The following CNTN5 variants were observed in gnomAD, a reference collection of about 807,000 sequenced individuals.
CNTN5 encodes the protein contactin-5.
CNTN5 carries 77 observed loss-of-function variants against 129.1 expected under a neutral mutation model. The observed-to-expected ratio is 0.60, with a 90% CI of 0.50 to 0.72. CNTN5 has a LOEUF of 0.72. CNTN5 is among the 30% of genes least tolerant of loss of function. The probability of loss-of-function intolerance (pLI) is 0.00; values close to 1 mark genes in which losing one functional copy is unlikely to be tolerated. For synonymous variants in CNTN5, 509 were observed against 465.6 expected, an observed-to-expected ratio of 1.09 and a Z score of -1.20; for missense variants, 1,478 against 1,328.8, an observed-to-expected ratio of 1.11 and a Z score of -1.75.
intron 3 of CNTN5, among the ~76,000 whole-genome samples, chr11:99,728,700 G>T (rs1177440013): frequency 6.6e-6 from 1 of 152,108 alleles, no homozygotes; most frequent in Non-Finnish European, 1.5e-5. Context: ...CCTAAAAGAC[G>T]GTGAGTAGTG....
intron 21 of CNTN5, among the ~76,000 whole-genome samples, chr11:100,325,878 A>C (rs889451273): frequency 6.6e-6 from 1 of 152,368 alleles, no homozygotes; most frequent in African/African-American, 2.4e-5. Flanking sequence ...AAAAACATAT[A>C]GAAGAAAAAC....
At chr11:100,054,384 A>G (rs753168379) in intron 9 of CNTN5, among the ~76,000 whole-genome samples, 48 of 151,730 alleles carry the variant, frequency 3.2e-4, no homozygotes, top group Non-Finnish European at 3.5e-4. Context: ...CATTCTTTCT[A>G]TTTTCATTTA....
intron 6 of CNTN5, among the ~76,000 whole-genome samples, chr11:99,886,682 A>G (rs1591365942): frequency 6.6e-6 from 1 of 152,182 alleles, no homozygotes; most frequent in African/African-American, 2.4e-5. Context: ...GTGGGTATCA[A>G]TAGAAACATG....
intron 3 of CNTN5, among the ~76,000 whole-genome samples, chr11:99,811,267 A>C (rs1343167369): frequency 6.6e-6 from 1 of 151,950 alleles, no homozygotes; most frequent in Non-Finnish European, 1.5e-5. Flanking sequence ...TCTCATATTT[A>C]GGGACGGAAA....
intron 3 of CNTN5, among the ~76,000 whole-genome samples, chr11:99,674,272 T>C (rs1953174565): frequency 6.8e-6 from 1 of 146,180 alleles, no homozygotes. Context: ...GAGAAGCAAT[T>C]GTTTAAGCCC....
At chr11:100,179,655 A>G (rs1948077196) in intron 13 of CNTN5, among the ~76,000 whole-genome samples, 1 of 152,026 alleles carries the variant, frequency 6.6e-6, no homozygotes, top group Non-Finnish European at 1.5e-5. Context: ...ATAATAATGA[A>G]ACCTGCATTT....
At chr11:99,936,542 A>G (rs1950319625) in intron 7 of CNTN5, among the ~76,000 whole-genome samples, 1 of 152,136 alleles carries the variant, frequency 6.6e-6, no homozygotes, top group Non-Finnish European at 1.5e-5. Context: ...ATCCTATAAC[A>G]GTGGAAGAGT....
At chr11:100,215,155 C>G (rs897222949) in intron 15 of CNTN5, among the ~76,000 whole-genome samples, 1 of 152,204 alleles carries the variant, frequency 6.6e-6, no homozygotes, top group African/African-American at 2.4e-5. Flanking sequence ...TCCCACCTCA[C>G]TAGCTTAGCC....
chr11:99,369,184 T>C (rs1412407497), intron 2 of CNTN5, among the ~76,000 whole-genome samples: 2 of 135,848 alleles, frequency 1.5e-5, no homozygotes, highest in Non-Finnish European at 3.1e-5. Context: ...ATATATAATA[T>C]ATATAATATA....
intron 2 of CNTN5, among the ~76,000 whole-genome samples, chr11:99,438,056 C>G (rs980893607): frequency 6.6e-6 from 1 of 152,124 alleles, no homozygotes; most frequent in African/African-American, 2.4e-5. Context: ...TGCTTGTAAA[C>G]TATCATTTTA....
intron 1 of CNTN5, among the ~76,000 whole-genome samples, chr11:99,070,472 A>C (rs1453685049): frequency 6.6e-6 from 1 of 152,124 alleles, no homozygotes; most frequent in Non-Finnish European, 1.5e-5. Flanking sequence ...CCCTATATCC[A>C]GGCAGAATCA....
intron 7 of CNTN5, among the ~76,000 whole-genome samples, chr11:99,951,843 T>C (rs918898273): frequency 2.0e-5 from 3 of 152,134 alleles, no homozygotes; most frequent in Non-Finnish European, 2.9e-5. Context: ...AAATTTGTAA[T>C]GAAGTTTAAT....
chr11:99,141,560 T>G (rs528492693), intron 1 of CNTN5, among the ~76,000 whole-genome samples: 2 of 152,242 alleles, frequency 1.3e-5, no homozygotes, highest in Non-Finnish European at 2.9e-5. Flanking sequence ...TCTTTGGTGG[T>G]TTTTTTCTCT....
At chr11:99,579,833 G>A (rs111542954) in intron 3 of CNTN5, among the ~76,000 whole-genome samples, 2 of 150,922 alleles carry the variant, frequency 1.3e-5, no homozygotes, top group Non-Finnish European at 2.9e-5. Context: ...CCCTTCTCCT[G>A]CCTGACTGCC....
intron 6 of CNTN5, among the ~76,000 whole-genome samples, chr11:99,898,464 G>C (rs12285353): frequency 0.057 from 8,641 of 152,054 alleles, 829 homozygotes; most frequent in African/African-American, 0.2. Flanking sequence ...AAAACCTGAA[G>C]ACGTAAGATA....
chr11:99,787,100 T>G (rs913169153), intron 3 of CNTN5, among the ~76,000 whole-genome samples: 3 of 144,536 alleles, frequency 2.1e-5, no homozygotes, highest in African/African-American at 7.6e-5. Flanking sequence ...GTTTTTTTTT[T>G]GTTTTTTATT....
chr11:99,770,409 G>A (rs1174727751), intron 3 of CNTN5, among the ~76,000 whole-genome samples: 3 of 151,900 alleles, frequency 2.0e-5, no homozygotes, highest in Admixed American at 6.6e-5. Flanking sequence ...TTTAAAAAAA[G>A]AAAAGCGTAT....
chr11:100,110,837 G>T (rs1945633782), intron 13 of CNTN5, among the ~76,000 whole-genome samples: 1 of 152,112 alleles, frequency 6.6e-6, no homozygotes, highest in Non-Finnish European at 1.5e-5. Context: ...TTCAGCCTGG[G>T]ATGGTTTATT....
chr11:99,940,104 A>G (rs772571594), intron 7 of CNTN5, among the ~76,000 whole-genome samples: 56 of 152,110 alleles, frequency 3.7e-4, no homozygotes, highest in Non-Finnish European at 6.8e-4. Context: ...GCAGGATGCT[A>G]TCAGCATCTA....
Sources: gnomAD v4.1 joint callset for allele counts (sites outside exome capture counted in the v4.1 genomes callset) on GRCh38, gnomAD v4.1.1 for gene constraint, MANE v1.5 for transcripts, NCBI Gene and HGNC (gene_info 2026-07-23, HGNC 2026-07-21) for gene names.